The following RGS20 variants were observed in gnomAD, a reference collection of about 807,000 sequenced individuals.
RGS20 encodes regulator of G protein signaling 20.
In RGS20, 30 loss-of-function variants were observed where a neutral mutation model predicts 33.6. The observed-to-expected ratio is 0.89, with a 90% CI of 0.67 to 1.21. RGS20 has a LOEUF of 1.21. RGS20 is among the 50% of genes most tolerant of loss of function. The probability of loss-of-function intolerance (pLI) is 0.00; values close to 1 mark genes in which losing one functional copy is unlikely to be tolerated. For missense variants in RGS20, 472 were observed against 502.4 expected (o/e 0.94, Z 0.58); for synonymous variants, 208 against 197.9 (o/e 1.05, Z -0.43).
chr8:53,865,699 T>C (rs1355887876), intron 1 of RGS20, among the ~76,000 whole-genome samples: 1 of 152,194 alleles, frequency 6.6e-6, no homozygotes, highest in Non-Finnish European at 1.5e-5. Flanking sequence ...CTCTGCCTCC[T>C]GGGCTCAAGC....
chr8:53,883,065 A>G (rs1016635555), intron 2 of RGS20, among the ~76,000 whole-genome samples: 2 of 152,220 alleles, frequency 1.3e-5, no homozygotes, highest in African/African-American at 4.8e-5. Flanking sequence ...TTTGCAATTT[A>G]CTATTTTTGT....
At chr8:53,932,555 G>A (rs1217052433) in intron 2 of RGS20, among the ~76,000 whole-genome samples, 1 of 152,186 alleles carries the variant, frequency 6.6e-6, no homozygotes, top group Non-Finnish European at 1.5e-5. Flanking sequence ...TAGCAAAGTC[G>A]CTGTAGCCAG....
At chr8:53,885,677 T>C (rs1433934403) in intron 2 of RGS20, among the ~76,000 whole-genome samples, 1 of 152,114 alleles carries the variant, frequency 6.6e-6, no homozygotes, top group Non-Finnish European at 1.5e-5. Flanking sequence ...CAAAGTTATT[T>C]ATAGGGATGG....
Position 53,879,304 on chromosome 8 carries a change from T to G in RGS20, c.212T>G (p.Leu71Arg). ...CCAGACTCGCCCGCCGCCCCGAAGC[T>G]GTTCGGCCTCCTTTCTAGCCCGCTT... is the stretch of plus-strand genomic sequence containing the variant. The change falls in exon 2 of 6, where the codon CTG (leucine) becomes CGG (arginine). Residue 71 changes from leucine (L) to arginine (R), a missense_variant. Around this residue, in one of 3 missense-constraint regions of RGS20, gnomAD observed 319 missense variants for 283.4 expected, o/e 1.13. Transcript: ENST00000297313. The G allele has an allele frequency of 5.0e-6, 8 of 1,613,688 alleles. No individual in the cohort carries two copies. The highest frequency in any genetic ancestry group is 6.8e-6 in the Non-Finnish European group (8 of 1,179,978).
chr8:53,937,140 G>A (rs767311519), intron 2 of RGS20, among the ~76,000 whole-genome samples: 20 of 152,162 alleles, frequency 1.3e-4, no homozygotes, highest in Admixed American at 3.3e-4. Context: ...AGGGCCTGTC[G>A]TGGAGTTGGG....
chr8:53,912,870 G>T (rs562519268), intron 2 of RGS20, among the ~76,000 whole-genome samples: 4 of 152,000 alleles, frequency 2.6e-5, no homozygotes, highest in Non-Finnish European at 5.9e-5. Flanking sequence ...TTTCAAAATT[G>T]TTCCCTATCA....
chr8:53,958,336 T>C lies in RGS20; in HGVS notation c.1045T>C (p.Phe349Leu), dbSNP rs755788352. The change falls in exon 6 of 6, where the codon TTC becomes CTC. Residue 349 changes from phenylalanine (F) to leucine (L), a missense_variant. Transcript: ENST00000297313. ...CATGGTGGAGCCATCCCAACACATA[T>C]TCGATGATGCTCAACTTCAGATTTA... 2.5e-6 allele frequency: 4 copies of C among 1,613,844 alleles called. No individual in the cohort carries two copies. The highest frequency in any genetic ancestry group is 3.3e-5 in the Admixed American group (2 of 59,984).
chr8:53,884,936 G>T (rs916492972), intron 2 of RGS20, among the ~76,000 whole-genome samples: 2 of 152,006 alleles, frequency 1.3e-5, no homozygotes, highest in Admixed American at 6.6e-5. Context: ...GCCCCACTTG[G>T]GTATACATTT....
chr8:53,909,961 A>T (rs1196499811), intron 2 of RGS20, among the ~76,000 whole-genome samples: 2 of 152,124 alleles, frequency 1.3e-5, no homozygotes, highest in African/African-American at 4.8e-5. Flanking sequence ...AATGAAGGTG[A>T]CCAGTAGATA....
chr8:53,880,591 G>C (rs1247593988), intron 2 of RGS20, among the ~76,000 whole-genome samples: 3 of 152,192 alleles, frequency 2.0e-5, no homozygotes, highest in Non-Finnish European at 4.4e-5. Context: ...ACGCAGTCCA[G>C]CACACTCTAG....
At chr8:53,872,327 T>C (rs1563347701) in intron 1 of RGS20, among the ~76,000 whole-genome samples, 1 of 152,210 alleles carries the variant, frequency 6.6e-6, no homozygotes, top group Non-Finnish European at 1.5e-5. Context: ...ATAAACTAGA[T>C]GTCTCTCTTG....
chr8:53,872,394 C>A (rs567448589), intron 1 of RGS20, among the ~76,000 whole-genome samples: 138 of 152,230 alleles, frequency 9.1e-4, no homozygotes, highest in African/African-American at 3.0e-3. Flanking sequence ...AAAATCCTTA[C>A]CATGATTTGG....
At chr8:53,862,609 A>G (rs984375225) in intron 1 of RGS20, among the ~76,000 whole-genome samples, 3 of 152,152 alleles carry the variant, frequency 2.0e-5, no homozygotes, top group Non-Finnish European at 4.4e-5. Flanking sequence ...GCCAGCCTGG[A>G]CAACAAAGAG....
rs184481114 is a variant in RGS20, at chr8:53,947,874, A to G, written c.743+1126A>G. 3.3e-3 allele frequency among the ~76,000 whole-genome samples: 453 copies of G among 137,952 alleles called. 5 individuals are homozygous for G. The highest frequency in any genetic ancestry group is 0.012 in the African/African-American group (443 of 38,128). The allele number at this position is 137,952 out of a possible 152,430, so 90.5% of individuals were successfully genotyped here. ...TAGTATATACATTTATATATGCTATATATAAGATGTAGTATATATATGCTA... is the reference window on the plus strand; with the variant it reads ...TAGTATATACATTTATATATGCTATGTATAAGATGTAGTATATATATGCTA... On this transcript the variant is annotated intron_variant, in intron 4 of 5. Transcript: ENST00000297313.
intron 2 of RGS20, among the ~76,000 whole-genome samples, chr8:53,901,229 G>C (rs968676346): frequency 1.3e-5 from 2 of 151,826 alleles, no homozygotes; most frequent in East Asian, 3.9e-4. Flanking sequence ...CACCACGCCC[G>C]GCTAATTTTT....
intron 2 of RGS20, among the ~76,000 whole-genome samples, chr8:53,922,277 C>T (rs1813669453): frequency 2.0e-5 from 3 of 152,070 alleles, no homozygotes; most frequent in Admixed American, 6.6e-5. Flanking sequence ...TCTCTAGTAA[C>T]ATTTTGTGTT....
rs573711872 is a variant in RGS20 at position 53,910,650 on chromosome 8, CT to C, written c.511-28923del. ...ATCTCTGCACAAATGTTTATAGAAG[CT>C]TTATTCATAAGCACCCAAAACAGGA... On this transcript the variant is annotated intron_variant, in intron 2 of 5. Transcript: ENST00000297313. Among the ~76,000 whole-genome samples, 380 of 152,248 alleles carry C rather than the reference CT, an allele frequency of 2.5e-3. 2 individuals carry two copies. The highest frequency in any genetic ancestry group is 8.3e-3 in the African/African-American group (344 of 41,552).
chr8:53,911,804 G>A (rs1362157700), intron 2 of RGS20, among the ~76,000 whole-genome samples: 1 of 152,100 alleles, frequency 6.6e-6, no homozygotes, highest in African/African-American at 2.4e-5. Context: ...AGCTGGTCAT[G>A]GTGGTGTGTG....
chr8:53,952,374 T>C (rs1176983354), intron 4 of RGS20, among the ~76,000 whole-genome samples: 2 of 140,964 alleles, frequency 1.4e-5, no homozygotes, highest in Non-Finnish European at 3.1e-5. Flanking sequence ...AACTTAATGT[T>C]GGGTGGAAAA....
Sources: gnomAD v4.1 joint callset for allele counts (sites outside exome capture counted in the v4.1 genomes callset) on GRCh38, gnomAD v4.1.1 for gene constraint, gnomAD v4.1.1 regional missense constraint, MANE v1.5 for transcripts, NCBI Gene and HGNC (gene_info 2026-07-23, HGNC 2026-07-21) for gene names.